The following CBFA2T2 variants were observed in gnomAD, a reference collection of about 807,000 sequenced individuals.
CBFA2T2 encodes CBFA2/RUNX1 partner transcriptional co-repressor 2, also known as protein CBFA2T2.
Under a neutral mutation model 62.2 loss-of-function variants are expected in CBFA2T2, and 11 were observed. The observed-to-expected ratio is 0.18, with a 90% CI of 0.11 to 0.29. CBFA2T2 has a LOEUF of 0.29. CBFA2T2 is among the 10% of genes least tolerant of loss of function. CBFA2T2 has a pLI of 1.00. For missense variants in CBFA2T2, 592 were observed against 774.1 expected, an observed-to-expected ratio of 0.76 and a Z score of 2.79; for synonymous variants, 295 against 287.5, an observed-to-expected ratio of 1.03 and a Z score of -0.27.
At chr20:33,570,770 T>C (rs2013530270) in intron 1 of CBFA2T2, among the ~76,000 whole-genome samples, 1 of 152,216 alleles carries the variant, frequency 6.6e-6, no homozygotes, top group African/African-American at 2.4e-5. Context: ...TGCAGTCTAA[T>C]GTGAGACTCA....
At chr20:33,533,347 G>C (rs1361436357) in intron 1 of CBFA2T2, among the ~76,000 whole-genome samples, 1 of 152,140 alleles carries the variant, frequency 6.6e-6, no homozygotes, top group South Asian at 2.1e-4. Context: ...CTATAGATTA[G>C]TGTGCATTTT....
intron 1 of CBFA2T2, among the ~76,000 whole-genome samples, chr20:33,531,039 C>T (rs1181023810): frequency 5.3e-5 from 8 of 152,088 alleles, no homozygotes; most frequent in Admixed American, 4.6e-4. Context: ...GCCGAGATCA[C>T]GCCATTGCAC....
chr20:33,525,187 AT>A lies in CBFA2T2; in HGVS notation c.34+34901del, dbSNP rs1236157163. Among the ~76,000 whole-genome samples, 1,193 of 130,004 alleles carry A rather than the reference AT, an allele frequency of 9.2e-3. 5 individuals are homozygous for A. Among genetic ancestry groups the A allele is most frequent in the South Asian group, 0.035 (141 of 3,992 alleles). The allele number at this position is 130,004 out of a possible 152,430, so 85.3% of individuals were successfully genotyped here. On this transcript the variant is annotated intron_variant, in intron 1 of 10. Transcript: ENST00000342704. ...GATATAATTCACATACCCTACCTCC[AT>A]TTTTTTTTTTTTTTGAGACAGAGTT...
chr20:33,508,231 A>G (rs977595841), intron 1 of CBFA2T2, among the ~76,000 whole-genome samples: 16 of 152,006 alleles, frequency 1.1e-4, no homozygotes, highest in Non-Finnish European at 2.2e-4. Flanking sequence ...AGTAGCTGGT[A>G]TTACAGGTGT....
rs750754336 is a variant in CBFA2T2, at chr20:33,587,788, T to C, written c.35-19168T>C. Among the ~76,000 whole-genome samples the C allele has an allele frequency of 3.9e-5, 6 of 152,238 alleles. No individual in the cohort carries two copies. The East Asian group carries it at 5.8e-4, about 15-fold the overall frequency. Reference sequence around the variant, plus strand: ...AAGACAAAAATTGAATTATTTCACATGTATTTCCTTTTAACTTGTTATGTC... The same window carrying C: ...AAGACAAAAATTGAATTATTTCACACGTATTTCCTTTTAACTTGTTATGTC... On this transcript the variant is annotated intron_variant, in intron 1 of 10. Coordinates refer to ENST00000342704, the MANE Select transcript of CBFA2T2 (RefSeq NM_001032999.3).
intron 1 of CBFA2T2, among the ~76,000 whole-genome samples, chr20:33,549,241 C>T (rs2012665336): frequency 6.6e-6 from 1 of 151,684 alleles, no homozygotes. Context: ...TTGGGAAATC[C>T]TCCCTCCATA....
chr20:33,559,729 A>C (rs2013026852), intron 1 of CBFA2T2, among the ~76,000 whole-genome samples: 1 of 151,570 alleles, frequency 6.6e-6, no homozygotes, highest in East Asian at 1.9e-4. Context: ...CTTGTGATCC[A>C]CCCACCTTGG....
chr20:33,530,050 G>T (rs902088238), intron 1 of CBFA2T2, among the ~76,000 whole-genome samples: 1 of 151,910 alleles, frequency 6.6e-6, no homozygotes, highest in Non-Finnish European at 1.5e-5. Flanking sequence ...GCCTTCCAAA[G>T]TGCTGGGATT....
At chr20:33,633,342 G>C (rs2016519800) in intron 8 of CBFA2T2, among the ~76,000 whole-genome samples, 1 of 151,112 alleles carries the variant, frequency 6.6e-6, no homozygotes, top group Admixed American at 6.6e-5. Context: ...CTGCACTCCA[G>C]CCTGAGCAAC....
chr20:33,520,059 C>T (rs988358076), intron 1 of CBFA2T2, among the ~76,000 whole-genome samples: 6 of 152,134 alleles, frequency 3.9e-5, no homozygotes, highest in Admixed American at 3.3e-4. Flanking sequence ...GCAGGAGAAT[C>T]GCTTGAACCT....
chr20:33,554,255 CTTTT>C (rs760696196), intron 1 of CBFA2T2, among the ~76,000 whole-genome samples: 3 of 131,978 alleles, frequency 2.3e-5, no homozygotes, highest in African/African-American at 2.7e-5. Flanking sequence ...TTACTTTTTT[CTTTT>C]TTTTTTTTTT....
intron 3 of CBFA2T2, among the ~76,000 whole-genome samples, chr20:33,611,783 G>A (rs2015540349): frequency 1.3e-5 from 2 of 152,064 alleles, no homozygotes; most frequent in South Asian, 4.1e-4. Flanking sequence ...CCAAAGTGCT[G>A]GGATTATAAG....
At chr20:33,591,625 C>T (rs2014640879) in intron 1 of CBFA2T2, among the ~76,000 whole-genome samples, 6 of 152,186 alleles carry the variant, frequency 3.9e-5, no homozygotes, top group Admixed American at 2.0e-4. Flanking sequence ...ACTTGAAAGA[C>T]GGGACTGGGC....
chr20:33,495,311 A>G (rs1172136821), intron 1 of CBFA2T2, among the ~76,000 whole-genome samples: 1 of 149,920 alleles, frequency 6.7e-6, no homozygotes, highest in African/African-American at 2.5e-5. Flanking sequence ...GCTTGAAGCC[A>G]GGAGGCAGAG....
chr20:33,503,572 GA>G (rs1555828205), intron 1 of CBFA2T2, among the ~76,000 whole-genome samples: 1 of 151,636 alleles, frequency 6.6e-6, no homozygotes, highest in African/African-American at 2.4e-5. Context: ...GTATTTTTAG[GA>G]AAAAAATTAT....
At chr20:33,520,970 TCACA>T (rs143080667) in intron 1 of CBFA2T2, among the ~76,000 whole-genome samples, 3,621 of 137,032 alleles carry the variant, frequency 0.026, 117 homozygotes, top group African/African-American at 0.082. Flanking sequence ...TCACCTGCCA[TCACA>T]CACACACACA....
At chr20:33,591,823 C>T (rs1174632175) in intron 1 of CBFA2T2, among the ~76,000 whole-genome samples, 1 of 135,146 alleles carries the variant, frequency 7.4e-6, no homozygotes, top group Non-Finnish European at 1.5e-5. Context: ...CAAGTCCATT[C>T]TCATGAACAA....
intron 8 of CBFA2T2, among the ~76,000 whole-genome samples, chr20:33,634,910 G>A (rs1164322728): frequency 6.6e-6 from 1 of 152,088 alleles, no homozygotes; most frequent in Non-Finnish European, 1.5e-5. Context: ...ATTAATAGTA[G>A]CTCTTCAGGG....
chr20:33,568,552 C>T (rs1330892741), intron 1 of CBFA2T2, among the ~76,000 whole-genome samples: 1 of 152,176 alleles, frequency 6.6e-6, no homozygotes, highest in Non-Finnish European at 1.5e-5. Context: ...TCCTCTGCTG[C>T]CGGCGGGCGC....
Sources: allele counts gnomAD v4.1 joint callset (sites outside exome capture counted in the v4.1 genomes callset), GRCh38; gene constraint gnomAD v4.1.1; transcripts MANE v1.5; gene names NCBI Gene and HGNC (gene_info 2026-07-23, HGNC 2026-07-21).